The following COL12A1 variants were observed in gnomAD, a reference collection of about 807,000 sequenced individuals.
COL12A1 encodes the protein collagen type XII alpha 1 chain.
Under a neutral mutation model 349.7 loss-of-function variants are expected in COL12A1, and 114 were observed. The observed-to-expected ratio is 0.33, with a 90% CI of 0.28 to 0.38. The LOEUF is 0.38. COL12A1 is among the 10% of genes least tolerant of loss of function. The probability of loss-of-function intolerance (pLI) is 1.00; values close to 1 mark genes in which losing one functional copy is unlikely to be tolerated. For synonymous variants in COL12A1, 1,369 were observed against 1,329.0 expected (o/e 1.03, Z -0.66); for missense variants, 3,284 against 3,756.9 (o/e 0.87, Z 3.29).
chr6:75,142,748 T>C (rs1041579282), intron 26 of COL12A1, among the ~76,000 whole-genome samples: 36 of 152,160 alleles, frequency 2.4e-4, no homozygotes, highest in African/African-American at 8.0e-4. Context: ...TAATTTGCTC[T>C]AACTTTGAAT....
At chr6:75,110,155 G>T (rs1363457888) in intron 51 of COL12A1, among the ~76,000 whole-genome samples, 2 of 151,860 alleles carry the variant, frequency 1.3e-5, no homozygotes, top group African/African-American at 4.8e-5. Context: ...AATGCCCCCA[G>T]GACAATCAAC....
Position 75,152,261 on chromosome 6 carries a change from A to G in COL12A1, c.3716-11T>C. The G allele has an allele frequency of 6.2e-7, 1 of 1,613,698 alleles. No individual in the cohort carries two copies. Among genetic ancestry groups the G allele is most frequent in the South Asian group, 1.1e-5 (1 of 91,070 alleles). ...TATACTGAGCAAGAGCTAAAATGAC[A>G]CCACTGGCATTAGTGCATGTGAAAG... On this transcript the variant is annotated splice_polypyrimidine_tract_variant and intron_variant, in intron 18 of 65. Transcript: ENST00000322507.
At position 75,087,680 on chromosome 6, in the gene COL12A1, AG is replaced by A. The variant is rs1243039688; in HGVS notation, c.9077del (p.Pro3026LeufsTer51). ...STGSRGPPGP[P>X]GRPGNSGIRG... ...GGATACCTGAGTTTCCAGGACGGCCAGGGGGGCCAGGGGGACCTCTTGAACC... is the reference window on the plus strand; with the variant it reads ...GGATACCTGAGTTTCCAGGACGGCCAGGGGGCCAGGGGGACCTCTTGAACC... On this transcript the variant is annotated frameshift_variant, in exon 65 of 66. Coordinates refer to ENST00000322507, the MANE Select transcript of COL12A1 (RefSeq NM_004370.6). LOFTEE classifies it high-confidence loss of function. 2 of 1,609,660 alleles carry A rather than the reference AG, an allele frequency of 1.2e-6. No individual in the cohort carries two copies. Among genetic ancestry groups the A allele is most frequent in the Non-Finnish European group, 8.5e-7 (1 of 1,178,648 alleles).
intron 8 of COL12A1, 123 bp from the exon 9 acceptor site, chr6:75,184,267 G>T: frequency 9.4e-7 from 1 of 1,063,144 alleles, no homozygotes; most frequent in Non-Finnish European, 1.3e-6. Context: ...GAAAAGAGTT[G>T]CCCAATACCC....
chr6:75,088,958 G>A lies in COL12A1; in HGVS notation c.9010+148C>T, dbSNP rs567177325. ...GGAGCTTGCAGTGAGCCAAGATCGC[G>A]CCACTGCACTCCAGCCTGGGTGACA... On this transcript the variant is annotated intron_variant, in intron 64 of 65. Coordinates refer to ENST00000322507, the MANE Select transcript of COL12A1 (RefSeq NM_004370.6). 5.3e-5 allele frequency: 33 copies of A among 627,644 alleles called. 1 individual carries two copies. The highest frequency in any genetic ancestry group is 4.4e-4 in the South Asian group (23 of 52,042). 38.9% of individuals were successfully genotyped at this position (627,644 alleles called of 1,614,324 possible).
chr6:75,190,237 C>T (rs1400720579), intron 5 of COL12A1, among the ~76,000 whole-genome samples: 1 of 151,790 alleles, frequency 6.6e-6, no homozygotes. Context: ...GTTTTTATTC[C>T]TTGGTATTTA....
At chr6:75,174,948 CTA>C in intron 13 of COL12A1, 88 bp downstream of exon 13, 2 of 1,410,096 alleles carry the variant, frequency 1.4e-6, no homozygotes, top group Non-Finnish European at 1.9e-6. Flanking sequence ...TTGCACACTT[CTA>C]GATTCATTGT....
Position 75,165,524 on chromosome 6 carries a change from C to G in COL12A1, c.2966G>C (p.Gly989Ala), listed in dbSNP as rs575661919. ...YSSGEGEPLTGDATTELSQDS... is the reference protein window; with the variant it reads ...YSSGEGEPLTADATTELSQDS... Reference sequence around the variant, plus strand: ...TTACCTACATTCAGTTGTGGCATCTCCAGTCAAAGGTTCTCCTTCTCCACT... The same window carrying G: ...TTACCTACATTCAGTTGTGGCATCTGCAGTCAAAGGTTCTCCTTCTCCACT... Residue 989 changes from glycine (G) to alanine (A), a missense_variant, in exon 14 of 66, where the codon GGA becomes GCA. Coordinates refer to ENST00000322507, the MANE Select transcript of COL12A1 (RefSeq NM_004370.6). The G allele has an allele frequency of 1.2e-6, 2 of 1,613,612 alleles. No homozygotes were observed. Among genetic ancestry groups the G allele is most frequent in the African/African-American group, 2.7e-5 (2 of 75,018 alleles).
At chr6:75,205,365 A>G (rs962490750) in intron 1 of COL12A1, among the ~76,000 whole-genome samples, 3 of 151,328 alleles carry the variant, frequency 2.0e-5, no homozygotes, top group Non-Finnish European at 4.4e-5. Context: ...GTGCGTCACC[A>G]AAATACCTTC....
In COL12A1 at chr6:75,193,198, T is replaced by C. The variant is rs570461500; in HGVS notation, c.191-843A>G. ...GACACTCAGACTCTGCCAGGTTGGG[T>C]AGCCCCAGTGCCAGTTTTGGAAGTG... is the stretch of plus-strand genomic sequence containing the variant. On this transcript the variant is annotated intron_variant, in intron 3 of 65. Transcript: ENST00000322507. 2.0e-5 allele frequency among the ~76,000 whole-genome samples: 3 copies of C among 152,250 alleles called. No homozygotes were observed. The South Asian group carries it at 6.2e-4, about 32-fold the overall frequency.
At chr6:75,123,491 T>C in intron 42 of COL12A1, 87 bp from the exon 43 acceptor site, 6 of 1,066,220 alleles carry the variant, frequency 5.6e-6, no homozygotes, top group Non-Finnish European at 8.2e-6. Context: ...ATTTAAATCC[T>C]GGATACCAAA....
intron 60 of COL12A1, 139 bp from the exon 61 acceptor site, chr6:75,091,664 TACTC>T (rs1297529512): frequency 3.9e-6 from 3 of 776,758 alleles, no homozygotes; most frequent in South Asian, 1.7e-5. Flanking sequence ...ATATCCATGT[TACTC>T]ACATTCTGCT....
Position 75,183,619 on chromosome 6 carries a change from A to G in COL12A1, c.1322T>C (p.Ile441Thr), listed in dbSNP as rs1223531902. The G allele has an allele frequency of 1.4e-5, 23 of 1,612,314 alleles. No individual in the cohort carries two copies. The highest frequency in any genetic ancestry group is 1.8e-5 in the Non-Finnish European group (21 of 1,179,618). The change falls in exon 10 of 66, where the codon ATT (isoleucine) becomes ACT (threonine). Residue 441 changes from isoleucine (I) to threonine (T), a missense_variant. Ile to Thr is a moderately conservative substitution (Grantham distance 89, BLOSUM62 -1). Coordinates refer to ENST00000322507, the MANE Select transcript of COL12A1 (RefSeq NM_004370.6). ...ATAGGAGCCATCAACCAAAAACACA[A>G]TATCGGCTTTTATATCCACACCACG... ...CSRGVDIKADIVFLVDGSYSI... is the reference protein window; with the variant it reads ...CSRGVDIKADTVFLVDGSYSI...
intron 2 of COL12A1, among the ~76,000 whole-genome samples, chr6:75,200,300 T>C (rs999167110): frequency 6.6e-6 from 1 of 152,058 alleles, no homozygotes; most frequent in African/African-American, 2.4e-5. Context: ...CAGTACGAAA[T>C]AAACTGTGCT....
chr6:75,197,818 C>T (rs150801691), intron 2 of COL12A1, among the ~76,000 whole-genome samples: 1 of 152,182 alleles, frequency 6.6e-6, no homozygotes, highest in East Asian at 1.9e-4. Context: ...TTCATATTTA[C>T]AGATAATGTT....
chr6:75,193,247 T>C (rs963561101), intron 3 of COL12A1, among the ~76,000 whole-genome samples: 1 of 152,126 alleles, frequency 6.6e-6, no homozygotes, highest in Non-Finnish European at 1.5e-5. Context: ...ATTCCCAACA[T>C]CTAGAAACTG....
rs201567848 is a variant in COL12A1, at chr6:75,128,355, G to T, written c.6281C>A (p.Thr2094Asn). 344 of 1,610,148 alleles carry T rather than the reference G, an allele frequency of 2.1e-4. 3 individuals carry two copies. In the East Asian group the frequency reaches 5.8e-3, roughly 27 times the overall value. ...TCCATCTTCATAAACAGCAATAACA[G>T]TAATTTTATATGGAGTGTCAGGTTG... ...PLQPDTPYKI[T>N]VIAVYEDGDG... The change falls in exon 38 of 66, where the codon ACT (threonine) becomes AAT (asparagine). Residue 2094 changes from threonine to asparagine, a missense_variant. This residue lies in a region of COL12A1 where 2,601 missense variants were observed against 2,824.8 expected (regional missense o/e 0.92). Coordinates refer to ENST00000322507, the MANE Select transcript of COL12A1 (RefSeq NM_004370.6).
At chr6:75,134,332 G>A (rs914152221) in intron 32 of COL12A1, among the ~76,000 whole-genome samples, 7 of 152,102 alleles carry the variant, frequency 4.6e-5, no homozygotes, top group Non-Finnish European at 8.8e-5. Context: ...CATTTTGGGA[G>A]CCCAAGGCAG....
At chr6:75,124,764 A>G (rs1765930037) in intron 40 of COL12A1, among the ~76,000 whole-genome samples, 1 of 152,170 alleles carries the variant, frequency 6.6e-6, no homozygotes, top group African/African-American at 2.4e-5. Flanking sequence ...GTCAAATTAA[A>G]TCAATGAATT....
Sources: gnomAD v4.1 joint callset for allele counts (sites outside exome capture counted in the v4.1 genomes callset) on GRCh38, gnomAD v4.1.1 for gene constraint, gnomAD v4.1.1 regional missense constraint, MANE v1.5 for transcripts, NCBI Gene and HGNC (gene_info 2026-07-23, HGNC 2026-07-21) for gene names.